The following MYO6 variants were observed in gnomAD, a reference collection of about 807,000 sequenced individuals.
The protein encoded by MYO6 is myosin VI.
Under a neutral mutation model 178.7 loss-of-function variants are expected in MYO6, and 74 were observed. That is an observed-to-expected ratio of 0.41 (90% confidence interval 0.34 to 0.50). The LOEUF (loss-of-function observed/expected upper bound fraction) is 0.50, where lower values mean the gene tolerates loss of function less well. Ranked by LOEUF, MYO6 falls within the 20% of genes least tolerant of loss-of-function variation. The probability of loss-of-function intolerance (pLI) is 0.09; values close to 1 mark genes in which losing one functional copy is unlikely to be tolerated. For synonymous variants in MYO6, 477 were observed against 504.6 expected, an observed-to-expected ratio of 0.95 and a Z score of 0.73; for missense variants, 1,330 against 1,547.4, an observed-to-expected ratio of 0.86 and a Z score of 2.36.
intron 20 of MYO6, among the ~76,000 whole-genome samples, chr6:75,877,306 G>T (rs949573868): frequency 1.3e-5 from 2 of 150,298 alleles, no homozygotes; most frequent in East Asian, 2.0e-4. Context: ...TCACTCTGTC[G>T]CCCAGGCTGG....
chr6:75,757,189 T>C (rs1777500953), intron 1 of MYO6, among the ~76,000 whole-genome samples: 2 of 147,626 alleles, frequency 1.4e-5, no homozygotes, highest in Admixed American at 1.4e-4. Context: ...TATACACACA[T>C]ATATTGTGTA....
At chr6:75,836,672 T>C (rs961022929) in intron 7 of MYO6, among the ~76,000 whole-genome samples, 5 of 151,642 alleles carry the variant, frequency 3.3e-5, no homozygotes. Flanking sequence ...AACCTCTGCC[T>C]CCTGGGTTCA....
chr6:75,863,555 G>A (rs937841020), intron 16 of MYO6, among the ~76,000 whole-genome samples: 1 of 151,548 alleles, frequency 6.6e-6, no homozygotes, highest in Non-Finnish European at 1.5e-5. Context: ...GTGCGATCTC[G>A]GCTCACTGCA....
intron 25 of MYO6, 60 bp from the exon 26 acceptor site, chr6:75,889,997 A>G: frequency 8.4e-7 from 1 of 1,197,182 alleles, no homozygotes; most frequent in Non-Finnish European, 1.2e-6. Context: ...AAGTATATTC[A>G]CATTGTTGTG....
intron 9 of MYO6, 149 bp from the exon 10 acceptor site, chr6:75,844,748 A>C (rs1774567077): frequency 1.7e-6 from 1 of 578,572 alleles, no homozygotes; most frequent in Non-Finnish European, 3.1e-6. Context: ...AAAATATAGA[A>C]GTATTGATTT....
intron 1 of MYO6, among the ~76,000 whole-genome samples, chr6:75,785,335 T>C (rs1460209946): frequency 1.3e-5 from 2 of 152,222 alleles, no homozygotes; most frequent in African/African-American, 4.8e-5. Flanking sequence ...AAATGTATTC[T>C]TTTGGAGGAA....
chr6:75,758,016 T>C (rs961685057), intron 1 of MYO6, among the ~76,000 whole-genome samples: 2 of 144,450 alleles, frequency 1.4e-5, no homozygotes, highest in Admixed American at 7.2e-5. Context: ...CTCGTTCTGT[T>C]GCCCAGGCTG....
intron 29 of MYO6, among the ~76,000 whole-genome samples, chr6:75,896,797 CTGAG>C (rs1404864199): frequency 6.6e-6 from 1 of 152,204 alleles, no homozygotes; most frequent in East Asian, 1.9e-4. Context: ...GAAAATATCT[CTGAG>C]TGGGCACTCT....
At chr6:75,750,372 G>A (rs1776765431) in intron 1 of MYO6, among the ~76,000 whole-genome samples, 1 of 151,936 alleles carries the variant, frequency 6.6e-6, no homozygotes, top group African/African-American at 2.4e-5. Context: ...TGGGATTACA[G>A]GCGTGAGCCA....
chr6:75,752,646 A>G (rs1253857696), intron 1 of MYO6, among the ~76,000 whole-genome samples: 1 of 152,248 alleles, frequency 6.6e-6, no homozygotes, highest in Non-Finnish European at 1.5e-5. Context: ...AGGTTTGACA[A>G]AAGCATCCAG....
chr6:75,784,018 C>G (rs567209515), intron 1 of MYO6, among the ~76,000 whole-genome samples: 3 of 152,212 alleles, frequency 2.0e-5, no homozygotes, highest in East Asian at 3.9e-4. Context: ...GTTGCCCAGG[C>G]TGGAGTGCGG....
intron 18 of MYO6, among the ~76,000 whole-genome samples, chr6:75,867,696 TTAAAGA>T (rs1269302939): frequency 6.6e-6 from 1 of 152,238 alleles, no homozygotes; most frequent in Non-Finnish European, 1.5e-5. Context: ...ATAACTTCTG[TTAAAGA>T]TAAGCACTTA....
rs761686257 is a variant in MYO6, at chr6:75,914,898, G to A, written c.3744G>A (p.Gln1248=). 29 of 1,614,052 alleles carry A rather than the reference G, an allele frequency of 1.8e-5. No individual in the cohort carries two copies. The highest frequency in any genetic ancestry group is 2.3e-5 in the Non-Finnish European group (27 of 1,180,042). Reference sequence around the variant, plus strand: ...GTGGTGCTGAGATCTTGCCAAGACAGTTTGAAGAAATCTGGGAACGCTGTG... The same window carrying A: ...GTGGTGCTGAGATCTTGCCAAGACAATTTGAAGAAATCTGGGAACGCTGTG... ...RKRGAEILPR[Q]FEEIWERCGG... is the part of the protein sequence containing the mutation. Residue 1248 remains glutamine, a synonymous_variant, in exon 35 of 35, where the codon CAG becomes CAA. Coordinates refer to ENST00000369977, the MANE Select transcript of MYO6 (RefSeq NM_004999.4).
intron 3 of MYO6, among the ~76,000 whole-genome samples, chr6:75,825,151 G>A (rs539692284): frequency 6.6e-6 from 1 of 152,292 alleles, no homozygotes; most frequent in African/African-American, 2.4e-5. Flanking sequence ...ACAAGAATAG[G>A]AAAATTGGGC....
At chr6:75,812,375 C>A (rs751499812) in intron 1 of MYO6, among the ~76,000 whole-genome samples, 1 of 152,064 alleles carries the variant, frequency 6.6e-6, no homozygotes, top group Non-Finnish European at 1.5e-5. Context: ...TATTTTGATA[C>A]AGGCGTACAG....
chr6:75,829,714 G>A (rs937810381), intron 4 of MYO6, among the ~76,000 whole-genome samples: 3 of 151,954 alleles, frequency 2.0e-5, no homozygotes, highest in Non-Finnish European at 4.4e-5. Flanking sequence ...ATATTTAGAG[G>A]CAAAATTTAC....
At chr6:75,759,542 T>TG (rs1777767893) in intron 1 of MYO6, among the ~76,000 whole-genome samples, 1 of 151,674 alleles carries the variant, frequency 6.6e-6, no homozygotes, top group Non-Finnish European at 1.5e-5. Context: ...ACCGGTGACT[T>TG]ACTTTACTAG....
intron 10 of MYO6, among the ~76,000 whole-genome samples, chr6:75,846,741 A>G (rs537436688): frequency 4.4e-4 from 67 of 152,206 alleles, no homozygotes; most frequent in African/African-American, 1.6e-3. Flanking sequence ...AGGGGGGAAA[A>G]AGATATAAAT....
chr6:75,881,847 T>C, intron 23 of MYO6, 29 bp downstream of exon 23: 1 of 1,611,390 alleles, frequency 6.2e-7, no homozygotes, highest in Non-Finnish European at 8.5e-7. Flanking sequence ...ACCTATAGGA[T>C]CTTTCATTGT....
Sources: gnomAD v4.1 joint callset for allele counts (sites outside exome capture counted in the v4.1 genomes callset) on GRCh38, gnomAD v4.1.1 for gene constraint, MANE v1.5 for transcripts, NCBI Gene and HGNC (gene_info 2026-07-23, HGNC 2026-07-21) for gene names.